COP1: variants seen among roughly 807,000 people sequenced by gnomAD.
The protein encoded by COP1 is E3 ubiquitin-protein ligase COP1.
COP1 carries 24 observed loss-of-function variants against 101.3 expected under a neutral mutation model. The ratio of observed to expected loss-of-function variants is 0.24; its 90% confidence interval spans 0.17 to 0.33. COP1 has a LOEUF of 0.33. COP1 is among the 10% of genes least tolerant of loss of function. COP1 has a pLI of 1.00. For missense variants in COP1, 663 were observed against 906.2 expected (o/e 0.73, Z 3.45); for synonymous variants, 347 against 341.9 (o/e 1.01, Z -0.17).
intron 1 of COP1, among the ~76,000 whole-genome samples, chr1:176,203,507 C>T (rs1558311862): frequency 6.6e-6 from 1 of 152,072 alleles, no homozygotes; most frequent in Non-Finnish European, 1.5e-5. Context: ...AAAAAGGAGT[C>T]CGTATAAAAA....
chr1:176,005,452 A>C (rs1215811142), intron 15 of COP1, among the ~76,000 whole-genome samples: 2 of 151,914 alleles, frequency 1.3e-5, no homozygotes, highest in Admixed American at 1.3e-4. Context: ...TTAGGGTGTC[A>C]ATTTTGGATC....
chr1:176,078,543 A>G (rs1048406289), intron 11 of COP1, among the ~76,000 whole-genome samples: 1 of 152,132 alleles, frequency 6.6e-6, no homozygotes, highest in Non-Finnish European at 1.5e-5. Context: ...AAAATCCTAG[A>G]AGGAAAGCTA....
intron 15 of COP1, among the ~76,000 whole-genome samples, chr1:175,995,094 C>T (rs1211064805): frequency 1.3e-5 from 2 of 152,318 alleles, no homozygotes; most frequent in East Asian, 3.9e-4. Context: ...AAGAAACTCA[C>T]TAAAAACCGC....
rs569469869 is a variant in COP1 at position 176,069,136 on chromosome 1, G to A, written c.1277+12016C>T. Among the ~76,000 whole-genome samples the A allele has an allele frequency of 3.3e-5, 5 of 151,994 alleles. No homozygotes were observed. The South Asian group carries it at 1.0e-3, about 32-fold the overall frequency. Reference sequence around the variant, plus strand: ...GGAGGTCAAGGCTGTAGTAAATCAGGATTGCACGACTGCACTCCAGCCTGA... The same window carrying A: ...GGAGGTCAAGGCTGTAGTAAATCAGAATTGCACGACTGCACTCCAGCCTGA... On this transcript the variant is annotated intron_variant, in intron 11 of 19. Transcript: ENST00000367669.
At chr1:176,044,481 T>C (rs563390857) in intron 12 of COP1, among the ~76,000 whole-genome samples, 5 of 152,366 alleles carry the variant, frequency 3.3e-5, no homozygotes, top group African/African-American at 7.2e-5. Context: ...AGGCAGTTAA[T>C]GTAGGTAACT....
intron 14 of COP1, among the ~76,000 whole-genome samples, chr1:176,036,718 T>C (rs764401592): frequency 2.6e-5 from 4 of 152,206 alleles, no homozygotes; most frequent in Non-Finnish European, 5.9e-5. Flanking sequence ...TTCTTACCTG[T>C]ATTATTCAAC....
rs576682019 is a variant in COP1 at position 176,141,522 on chromosome 1, A to G, written c.832-4975T>C. Among the ~76,000 whole-genome samples the G allele has an allele frequency of 2.6e-4, 40 of 152,020 alleles. 1 individual carries two copies. Among genetic ancestry groups the G allele is most frequent in the Non-Finnish European group, 4.4e-4 (30 of 67,978 alleles). ...TCTCAAAAAATACATACATACATACATACAGCAGCAAAACTTAATATATGC... is the reference window on the plus strand; with the variant it reads ...TCTCAAAAAATACATACATACATACGTACAGCAGCAAAACTTAATATATGC... On this transcript the variant is annotated intron_variant, in intron 6 of 19. Coordinates refer to ENST00000367669, the MANE Select transcript of COP1 (RefSeq NM_022457.7).
At chr1:176,166,485 G>T (rs1305877123) in intron 3 of COP1, among the ~76,000 whole-genome samples, 1 of 152,156 alleles carries the variant, frequency 6.6e-6, no homozygotes, top group Admixed American at 6.5e-5. Context: ...TACAGCAAAT[G>T]ATGGCAAAAA....
chr1:176,066,709 T>C (rs1676037703), intron 11 of COP1, among the ~76,000 whole-genome samples: 1 of 152,188 alleles, frequency 6.6e-6, no homozygotes, highest in African/African-American at 2.4e-5. Flanking sequence ...ATTTTAAACA[T>C]TAATGAATTC....
intron 5 of COP1, among the ~76,000 whole-genome samples, chr1:176,157,937 A>G (rs753867113): frequency 6.6e-6 from 1 of 152,208 alleles, no homozygotes; most frequent in Non-Finnish European, 1.5e-5. Flanking sequence ...AACAACTTCA[A>G]CTAGCCTAAG....
chr1:176,197,082 C>T (rs1288257296), intron 1 of COP1, among the ~76,000 whole-genome samples: 4 of 152,008 alleles, frequency 2.6e-5, no homozygotes, highest in African/African-American at 9.7e-5. Context: ...GAAAATAAAG[C>T]CTTTAAAGAA....
intron 9 of COP1, among the ~76,000 whole-genome samples, chr1:176,087,466 AAAG>A (rs1680435893): frequency 6.6e-6 from 1 of 152,228 alleles, no homozygotes; most frequent in African/African-American, 2.4e-5. Flanking sequence ...ACACTTCTCA[AAAG>A]AAGACATTTA....
At chr1:176,010,156 A>G (rs1664387594) in intron 15 of COP1, among the ~76,000 whole-genome samples, 1 of 151,914 alleles carries the variant, frequency 6.6e-6, no homozygotes, top group Non-Finnish European at 1.5e-5. Flanking sequence ...CCAAACACAC[A>G]CCGCCTCTTG....
intron 8 of COP1, among the ~76,000 whole-genome samples, chr1:176,125,067 A>C (rs1687789114): frequency 6.6e-6 from 1 of 151,522 alleles, no homozygotes; most frequent in Admixed American, 6.6e-5. Flanking sequence ...GTCTTGAGAA[A>C]TGTCTAATCT....
Position 176,161,275 on chromosome 1 carries a change from G to A in COP1, c.762+1594C>T, listed in dbSNP as rs189364259. 7.2e-5 allele frequency among the ~76,000 whole-genome samples: 11 copies of A among 152,118 alleles called. 1 individual carries two copies. The highest frequency in any genetic ancestry group is 3.9e-4 in the East Asian group (2 of 5,182). Reference sequence around the variant, plus strand: ...TTTCAAAAGGGAGCAAGGTAACTGCGTATGTTCAATCTCTCATAAAAAGTC... The same window carrying A: ...TTTCAAAAGGGAGCAAGGTAACTGCATATGTTCAATCTCTCATAAAAAGTC... On this transcript the variant is annotated intron_variant, in intron 5 of 19. Transcript: ENST00000367669.
intron 11 of COP1, among the ~76,000 whole-genome samples, chr1:176,048,195 C>CT (rs10680105): frequency 0.078 from 9,814 of 126,592 alleles, 644 homozygotes; most frequent in Admixed American, 0.098. Flanking sequence ...AATTAAAATT[C>CT]TTTTTTTTTT....
intron 5 of COP1, among the ~76,000 whole-genome samples, chr1:176,156,924 C>A (rs1453035363): frequency 1.3e-5 from 2 of 151,990 alleles, no homozygotes; most frequent in Non-Finnish European, 2.9e-5. Context: ...CTGGCTGGGT[C>A]TGGTGGCTCA....
intron 1 of COP1, among the ~76,000 whole-genome samples, chr1:176,199,644 T>C (rs564295883): frequency 2.6e-5 from 4 of 152,150 alleles, no homozygotes; most frequent in African/African-American, 9.6e-5. Flanking sequence ...TTTCAAAACA[T>C]TATACCAAAC....
chr1:175,995,802 G>T (rs1354411218), intron 15 of COP1, among the ~76,000 whole-genome samples: 1 of 152,112 alleles, frequency 6.6e-6, no homozygotes, highest in South Asian at 2.1e-4. Flanking sequence ...ATTCACAGCC[G>T]AATTCTACCA....
Sources: allele counts gnomAD v4.1 joint callset (sites outside exome capture counted in the v4.1 genomes callset), GRCh38; gene constraint gnomAD v4.1.1; transcripts MANE v1.5; gene names NCBI Gene and HGNC (gene_info 2026-07-23, HGNC 2026-07-21).